RELN: variants seen among roughly 807,000 people sequenced by gnomAD.
RELN encodes the protein reelin.
RELN carries 108 observed loss-of-function variants against 427.6 expected under a neutral mutation model. The ratio of observed to expected loss-of-function variants is 0.25; its 90% confidence interval spans 0.22 to 0.30. The LOEUF (loss-of-function observed/expected upper bound fraction) is 0.30. Ranked by LOEUF, RELN falls within the 10% of genes least tolerant of loss-of-function variation. RELN has a pLI of 1.00. For synonymous variants in RELN, 1,524 were observed against 1,513.4 expected, an observed-to-expected ratio of 1.01 and a Z score of -0.16; for missense variants, 3,715 against 4,302.8, an observed-to-expected ratio of 0.86 and a Z score of 3.82.
chr7:103,835,957 T>C (rs1193731336), intron 2 of RELN, among the ~76,000 whole-genome samples: 1 of 57,934 alleles, frequency 1.7e-5, no homozygotes, highest in Admixed American at 1.6e-4. Flanking sequence ...AATTACCCTT[T>C]TTTTTTTTTT....
rs373648444 is a variant in RELN, at chr7:103,501,046, AG to A, written c.8490-125del. 30 of 852,370 alleles carry A rather than the reference AG, an allele frequency of 3.5e-5. No individual in the cohort carries two copies. In the African/African-American group the frequency reaches 4.8e-4, roughly 14 times the overall value. 52.8% of individuals were successfully genotyped at this position (852,370 alleles called of 1,614,324 possible). ...TTAAGATACTCTTACTAGATGAAAT[AG>A]GTTAATAAAAAATGTTTTCTGACCA... On this transcript the variant is annotated intron_variant, in intron 52 of 64. Transcript: ENST00000428762.
At chr7:103,475,938 A>G (rs1373514990) in intron 64 of RELN, among the ~76,000 whole-genome samples, 2 of 152,066 alleles carry the variant, frequency 1.3e-5, no homozygotes, top group East Asian at 1.9e-4. Flanking sequence ...TTTTTGGTAG[A>G]GACGGGGTCT....
chr7:103,577,972 C>T (rs772072615), intron 28 of RELN, among the ~76,000 whole-genome samples: 17 of 152,200 alleles, frequency 1.1e-4, no homozygotes, highest in Non-Finnish European at 2.4e-4. Flanking sequence ...GAGGGCATCT[C>T]TCCATCAGCT....
At chr7:103,746,486 C>T (rs943878027) in intron 6 of RELN, among the ~76,000 whole-genome samples, 3 of 151,728 alleles carry the variant, frequency 2.0e-5, no homozygotes, top group Non-Finnish European at 4.4e-5. Context: ...AGGCAACCTA[C>T]AGAATGGGAG....
intron 41 of RELN, among the ~76,000 whole-genome samples, chr7:103,545,878 C>T (rs184480131): frequency 2.0e-5 from 3 of 152,158 alleles, no homozygotes; most frequent in Admixed American, 6.6e-5. Context: ...TCAGGCGATC[C>T]GCCCACATCA....
chr7:103,543,188 G>A (rs1441887960), intron 42 of RELN, among the ~76,000 whole-genome samples: 1 of 152,164 alleles, frequency 6.6e-6, no homozygotes, highest in Non-Finnish European at 1.5e-5. Context: ...GTTAGTCAGA[G>A]AGTAGTTCAG....
chr7:103,525,364 T>C (rs1248066761), intron 46 of RELN, among the ~76,000 whole-genome samples: 1 of 152,218 alleles, frequency 6.6e-6, no homozygotes, highest in Non-Finnish European at 1.5e-5. Context: ...CCTTGAATGG[T>C]AAGTTATAAG....
At chr7:103,931,848 G>A (rs544293061) in intron 1 of RELN, among the ~76,000 whole-genome samples, 2 of 152,264 alleles carry the variant, frequency 1.3e-5, no homozygotes, top group South Asian at 4.1e-4. Flanking sequence ...AAGTAGACCT[G>A]GAGGTGGAGG....
chr7:103,542,350 A>G (rs1830192987), intron 43 of RELN, among the ~76,000 whole-genome samples: 1 of 152,238 alleles, frequency 6.6e-6, no homozygotes, highest in Non-Finnish European at 1.5e-5. Context: ...GCATGGTATA[A>G]GTGTAAATAA....
chr7:103,530,543 T>A (rs777040497), intron 46 of RELN, among the ~76,000 whole-genome samples: 1 of 152,236 alleles, frequency 6.6e-6, no homozygotes, highest in Non-Finnish European at 1.5e-5. Flanking sequence ...TCATTTTGCC[T>A]ACAAATCTAA....
At chr7:103,961,080 A>G (rs1440045945) in intron 1 of RELN, among the ~76,000 whole-genome samples, 3 of 152,270 alleles carry the variant, frequency 2.0e-5, no homozygotes, top group Non-Finnish European at 2.9e-5. Context: ...ACAGAGAAAT[A>G]TAAAACGTTG....
At chr7:103,607,247 TA>T (rs1422786515) in intron 22 of RELN, among the ~76,000 whole-genome samples, 2 of 151,874 alleles carry the variant, frequency 1.3e-5, no homozygotes, top group African/African-American at 4.8e-5. Flanking sequence ...AGTATAATAA[TA>T]AAAAAATAAA....
At chr7:103,718,941 T>A (rs547121248) in intron 8 of RELN, among the ~76,000 whole-genome samples, 1 of 152,194 alleles carries the variant, frequency 6.6e-6, no homozygotes, top group South Asian at 2.1e-4. Flanking sequence ...CAGATCTCTA[T>A]CAAGGAAGTG....
rs980921312 is a variant in RELN at position 103,558,086 on chromosome 7, TC to T, written c.5530-38del. On this transcript the variant is annotated intron_variant, in intron 36 of 64. Coordinates refer to ENST00000428762, the MANE Select transcript of RELN (RefSeq NM_005045.4). ...AACATATACGTTAAGCAACTTTTTT[TC>T]ACTTGCAAAATTGTATCCCTTTGAT... 3 of 1,000,020 alleles carry T rather than the reference TC, an allele frequency of 3.0e-6. No individual in the cohort carries two copies. In the African/African-American group the frequency reaches 4.7e-5, roughly 16 times the overall value. The allele number at this position is 1,000,020 out of a possible 1,614,324, so 61.9% of individuals were successfully genotyped here. A position where few individuals can be genotyped will look rare whatever the true frequency, so the allele number is the denominator to read the frequency against.
At chr7:103,561,452 A>G in intron 36 of RELN, 80 bp downstream of exon 36, 1 of 1,096,102 alleles carries the variant, frequency 9.1e-7, no homozygotes, top group Non-Finnish European at 1.4e-6. Flanking sequence ...GAGATTCAGA[A>G]ATCCATTTGT....
At chr7:103,648,074 G>A (rs115195421) in intron 16 of RELN, among the ~76,000 whole-genome samples, 4,461 of 152,044 alleles carry the variant, frequency 0.029, 78 homozygotes, top group African/African-American at 0.037. Flanking sequence ...ATACTTAAAT[G>A]TAAGATATGA....
intron 1 of RELN, among the ~76,000 whole-genome samples, chr7:103,984,211 T>A (rs988119306): frequency 4.0e-5 from 6 of 151,842 alleles, no homozygotes; most frequent in Non-Finnish European, 8.8e-5. Context: ...ATAAAACTAA[T>A]CCATAAAAAT....
intron 1 of RELN, among the ~76,000 whole-genome samples, chr7:103,934,334 C>A (rs1795932679): frequency 1.3e-5 from 2 of 152,154 alleles, no homozygotes. Flanking sequence ...GAATTGCATG[C>A]CTGCCAGACA....
At chr7:103,509,331 G>A (rs771283824) in intron 51 of RELN, among the ~76,000 whole-genome samples, 39 of 152,012 alleles carry the variant, frequency 2.6e-4, no homozygotes, top group Non-Finnish European at 5.0e-4. Context: ...CAGAACAGAG[G>A]CCTCAGAAAT....
Sources: allele counts gnomAD v4.1 joint callset (sites outside exome capture counted in the v4.1 genomes callset), GRCh38; gene constraint gnomAD v4.1.1; transcripts MANE v1.5; gene names NCBI Gene and HGNC (gene_info 2026-07-23, HGNC 2026-07-21).